BCL2L13: variants seen among roughly 807,000 people sequenced by gnomAD.
The protein encoded by BCL2L13 is bcl-2-like protein 13.
In BCL2L13, 13 loss-of-function variants were observed where a neutral mutation model predicts 25.8. The observed-to-expected ratio is 0.50, with a 90% confidence interval of 0.33 to 0.80. The LOEUF (loss-of-function observed/expected upper bound fraction) is 0.80. BCL2L13 is among the 30% of genes least tolerant of loss of function. BCL2L13 has a pLI of 0.02. For missense variants in BCL2L13, 504 were observed against 574.9 expected (o/e 0.88, Z 1.26); for synonymous variants, 244 against 230.3 (o/e 1.06, Z -0.54).
intron 5 of BCL2L13, among the ~76,000 whole-genome samples, chr22:17,701,878 T>C (rs1233919152): frequency 2.8e-5 from 4 of 144,996 alleles, no homozygotes; most frequent in Middle Eastern, 3.4e-3. Context: ...GAGCCAAGAC[T>C]GTGCCACTGC....
In BCL2L13 at chr22:17,727,852, G is replaced by A. The variant is rs725770; in HGVS notation, c.*318G>A. The A allele has an allele frequency of 0.11, 40,135 of 353,236 alleles. 2,979 individuals are homozygous for A. The highest frequency in any genetic ancestry group is 0.15 in the Non-Finnish European group (28,986 of 189,720). The allele number at this position is 353,236 out of a possible 1,614,324, so 21.9% of individuals were successfully genotyped here. On this transcript the variant is annotated 3_prime_UTR_variant, in exon 7 of 7. Transcript: ENST00000317582. Reference sequence around the variant, plus strand: ...TCTCTGTGTTGGGGCTGTCCTGTGTGTGGTGGGCTCCACCCACTAGATGCC... The same window carrying A: ...TCTCTGTGTTGGGGCTGTCCTGTGTATGGTGGGCTCCACCCACTAGATGCC...
chr22:17,727,673 T>A lies in BCL2L13; in HGVS notation c.*139T>A, dbSNP rs193246987. 273 of 1,122,318 alleles carry A rather than the reference T, an allele frequency of 2.4e-4. 1 individual carries two copies. Among genetic ancestry groups the A allele is most frequent in the Non-Finnish European group, 3.2e-4 (258 of 798,902 alleles). The allele number at this position is 1,122,318 out of a possible 1,614,324, so 69.5% of individuals were successfully genotyped here. ...ACTTCTGCTCAACATGGCAGTGGCA[T>A]GTTAGGCATGTTAGGGCTTGAGGTG... On this transcript the variant is annotated 3_prime_UTR_variant, in exon 7 of 7. Transcript: ENST00000317582.
chr22:17,694,322 T>C (rs1460609719), intron 4 of BCL2L13, among the ~76,000 whole-genome samples: 3 of 152,020 alleles, frequency 2.0e-5, no homozygotes, highest in Admixed American at 2.0e-4. Context: ...AGGACTTACA[T>C]AGAAATAATC....
chr22:17,709,103 G>C (rs911159590), intron 6 of BCL2L13, among the ~76,000 whole-genome samples: 1 of 152,074 alleles, frequency 6.6e-6, no homozygotes, highest in African/African-American at 2.4e-5. Context: ...GGGCGTGGTG[G>C]CAGGCACCTG....
At chr22:17,657,165 A>G in intron 2 of BCL2L13, among the ~76,000 whole-genome samples, 1 of 152,134 alleles carries the variant, frequency 6.6e-6, no homozygotes, top group South Asian at 2.1e-4. Context: ...TCAAACTTAA[A>G]CACATCTTAG....
At chr22:17,664,063 G>C (rs990819655) in intron 2 of BCL2L13, among the ~76,000 whole-genome samples, 3 of 152,138 alleles carry the variant, frequency 2.0e-5, no homozygotes, top group African/African-American at 7.2e-5. Context: ...TGGCCAGCCT[G>C]GTCTTGGACT....
chr22:17,676,036 G>A (rs1395019521), intron 2 of BCL2L13, among the ~76,000 whole-genome samples: 1 of 152,140 alleles, frequency 6.6e-6, no homozygotes, highest in Non-Finnish European at 1.5e-5. Flanking sequence ...CAGAGATAAG[G>A]GGCCAGGAAA....
chr22:17,724,302 G>A (rs1333931472), intron 6 of BCL2L13, among the ~76,000 whole-genome samples: 1 of 152,148 alleles, frequency 6.6e-6, no homozygotes, highest in Non-Finnish European at 1.5e-5. Flanking sequence ...ATCTTATCTA[G>A]TCAGTCATCC....
intron 1 of BCL2L13, 117 bp downstream of exon 1, chr22:17,639,003 C>G (rs918550478): frequency 1.2e-6 from 1 of 844,428 alleles, no homozygotes; most frequent in Non-Finnish European, 1.6e-6. Context: ...TCCGACGACG[C>G]GTGAGTTTGA....
intron 6 of BCL2L13, among the ~76,000 whole-genome samples, chr22:17,720,154 T>TTTTTTCTTTCTTTCTTTCTTTC (rs1555897233): frequency 1.4e-5 from 2 of 141,736 alleles, no homozygotes; most frequent in African/African-American, 5.4e-5. Flanking sequence ...GTGGGTTTCA[T>TTTTTTCTTTCTTTCTTTCTTTC]TTTCTTTCTT....
rs1029523354 is a variant in BCL2L13 at position 17,668,073 on chromosome 22, C to G, written c.121+12241C>G. Among the ~76,000 whole-genome samples, 3 of 146,900 alleles carry G rather than the reference C, an allele frequency of 2.0e-5. No homozygotes were observed. The South Asian group carries it at 6.5e-4, about 32-fold the overall frequency. On this transcript the variant is annotated intron_variant, in intron 2 of 6. Transcript: ENST00000317582. ...TCGCCCAGGCTGGAGTGCAGTGGCACTATCTTGGCTCATTGTAACCTCCGT... is the reference window on the plus strand; with the variant it reads ...TCGCCCAGGCTGGAGTGCAGTGGCAGTATCTTGGCTCATTGTAACCTCCGT...
At chr22:17,632,962 C>T (rs2058054486) in intron 1 of BCL2L13, among the ~76,000 whole-genome samples, 1 of 152,038 alleles carries the variant, frequency 6.6e-6, no homozygotes, top group South Asian at 2.1e-4. Context: ...CCATGTTGGC[C>T]AGGTTGGTCT....
intron 6 of BCL2L13, among the ~76,000 whole-genome samples, chr22:17,716,309 T>A (rs769365997): frequency 3.2e-4 from 48 of 152,344 alleles, no homozygotes; most frequent in Non-Finnish European, 6.5e-4. Flanking sequence ...TGCTGCTTTG[T>A]GTGAAAGCAC....
chr22:17,692,557 T>C (rs1002775014), intron 4 of BCL2L13, among the ~76,000 whole-genome samples: 3 of 152,218 alleles, frequency 2.0e-5, no homozygotes, highest in African/African-American at 7.2e-5. Flanking sequence ...GCCCAAGGCA[T>C]CTGAAAAGTA....
rs34253686 is a variant in BCL2L13, at chr22:17,673,533, A to ATTTT, written c.122-9667_122-9664dup. Among the ~76,000 whole-genome samples the ATTTT allele has an allele frequency of 7.6e-5, 10 of 131,082 alleles. No individual in the cohort carries two copies. In the South Asian group the frequency reaches 1.7e-3, roughly 22 times the overall value. 86.0% of individuals were successfully genotyped at this position (131,082 alleles called of 152,430 possible). On this transcript the variant is annotated intron_variant, in intron 2 of 6. Transcript: ENST00000317582. ...CAGTCGCCCACTACCATGCCTGGCA[A>ATTTT]TTTTTTTTTTTTTTTTTGTATTTTT...
chr22:17,635,603 ATAAAAT>A (rs1256762259), upstream of BCL2L13, among the ~76,000 whole-genome samples: 4 of 152,198 alleles, frequency 2.6e-5, no homozygotes, highest in African/African-American at 4.8e-5. Context: ...TATTCAAAAA[ATAAAAT>A]TAAAAAGGGA....
chr22:17,691,105 A>C lies in BCL2L13; in HGVS notation c.386+1963A>C, dbSNP rs1393769232. Among the ~76,000 whole-genome samples the C allele has an allele frequency of 4.0e-5, 6 of 151,478 alleles. No individual in the cohort carries two copies. In the South Asian group the frequency reaches 1.3e-3, roughly 32 times the overall value. Reference sequence around the variant, plus strand: ...GTCTTATAACTCCTGGCCTCAAGCAACTCTCCCACCTCAGCCTCCCCAAAG... The same window carrying C: ...GTCTTATAACTCCTGGCCTCAAGCACCTCTCCCACCTCAGCCTCCCCAAAG... On this transcript the variant is annotated intron_variant, in intron 4 of 6. Transcript: ENST00000317582.
At chr22:17,717,425 T>C (rs2060978619) in intron 6 of BCL2L13, among the ~76,000 whole-genome samples, 1 of 151,006 alleles carries the variant, frequency 6.6e-6, no homozygotes, top group African/African-American at 2.5e-5. Flanking sequence ...GAATCTCTCA[T>C]GTTCCCAGAG....
intron 2 of BCL2L13, among the ~76,000 whole-genome samples, chr22:17,679,516 C>G (rs981753912): frequency 6.6e-6 from 1 of 151,790 alleles, no homozygotes; most frequent in African/African-American, 2.4e-5. Flanking sequence ...GTGATCCGCC[C>G]GCCTTGGCCT....
Sources: gnomAD v4.1 joint callset for allele counts (sites outside exome capture counted in the v4.1 genomes callset) on GRCh38, gnomAD v4.1.1 for gene constraint, MANE v1.5 for transcripts, NCBI Gene and HGNC (gene_info 2026-07-23, HGNC 2026-07-21) for gene names.